TMEFF2: variants seen among roughly 807,000 people sequenced by gnomAD.
TMEFF2 encodes the protein tomoregulin-2.
In TMEFF2, 28 loss-of-function variants were observed where a neutral mutation model predicts 53.8. That is an observed-to-expected ratio of 0.52 (90% CI 0.39 to 0.71). The LOEUF (loss-of-function observed/expected upper bound fraction) is 0.71. Among genes scored for constraint, TMEFF2 ranks in the 30% least tolerant of loss-of-function variants. TMEFF2 has a pLI of 0.00. For missense variants in TMEFF2, 353 were observed against 455.2 expected (o/e 0.78, Z 2.04); for synonymous variants, 162 against 166.3 (o/e 0.97, Z 0.20).
intron 5 of TMEFF2, among the ~76,000 whole-genome samples, chr2:192,055,740 A>T (rs1229404913): frequency 1.5e-5 from 2 of 132,654 alleles, no homozygotes; most frequent in Middle Eastern, 5.1e-3. Context: ...GTGCCACTGC[A>T]CTCTAGCCTG....
At chr2:192,183,760 A>C (rs1691244833) in intron 3 of TMEFF2, among the ~76,000 whole-genome samples, 1 of 152,102 alleles carries the variant, frequency 6.6e-6, no homozygotes, top group Non-Finnish European at 1.5e-5. Flanking sequence ...TACTTCCTTT[A>C]TAGCATTGTT....
intron 7 of TMEFF2, among the ~76,000 whole-genome samples, chr2:191,994,358 A>G (rs567852593): frequency 6.6e-6 from 1 of 152,032 alleles, no homozygotes; most frequent in South Asian, 2.1e-4. Context: ...ATTAAAACCA[A>G]TATCATCTGA....
chr2:192,141,818 C>T (rs558603039), intron 4 of TMEFF2, among the ~76,000 whole-genome samples: 2 of 152,170 alleles, frequency 1.3e-5, no homozygotes, highest in South Asian at 2.1e-4. Flanking sequence ...TGACCAAAAT[C>T]GAAACAACTA....
intron 7 of TMEFF2, among the ~76,000 whole-genome samples, chr2:191,961,135 T>A (rs1369132312): frequency 6.6e-6 from 1 of 152,202 alleles, no homozygotes; most frequent in Non-Finnish European, 1.5e-5. Flanking sequence ...CATGCTACCT[T>A]TTGAAAGGGT....
intron 4 of TMEFF2, among the ~76,000 whole-genome samples, chr2:192,124,759 A>G (rs1021845697): frequency 6.6e-6 from 1 of 152,186 alleles, no homozygotes; most frequent in African/African-American, 2.4e-5. Flanking sequence ...AGGACAGAGG[A>G]GTAATTCATA....
chr2:192,069,025 CA>C, intron 4 of TMEFF2, among the ~76,000 whole-genome samples: 1 of 150,792 alleles, frequency 6.6e-6, no homozygotes, highest in South Asian at 2.1e-4. Context: ...GAAAGAATGG[CA>C]AAAACGGAAT....
At chr2:192,002,294 A>G (rs1374887340) in intron 5 of TMEFF2, among the ~76,000 whole-genome samples, 1 of 152,172 alleles carries the variant, frequency 6.6e-6, no homozygotes, top group Non-Finnish European at 1.5e-5. Flanking sequence ...TCCCTGGGAT[A>G]TAAGCTTCAG....
intron 4 of TMEFF2, among the ~76,000 whole-genome samples, chr2:192,106,281 A>G (rs1689142544): frequency 6.6e-6 from 1 of 151,810 alleles, no homozygotes; most frequent in Non-Finnish European, 1.5e-5. Flanking sequence ...AATGCATAAA[A>G]TATATGTACA....
At chr2:192,113,804 C>G (rs1689338147) in intron 4 of TMEFF2, among the ~76,000 whole-genome samples, 1 of 151,892 alleles carries the variant, frequency 6.6e-6, no homozygotes, top group Non-Finnish European at 1.5e-5. Flanking sequence ...TAGTATTCAC[C>G]AAGCACTTTA....
intron 4 of TMEFF2, among the ~76,000 whole-genome samples, chr2:192,121,986 T>C (rs532799473): frequency 1.1e-4 from 17 of 152,308 alleles, no homozygotes; most frequent in Middle Eastern, 3.4e-3. Flanking sequence ...TATAGCATAA[T>C]AGAGTGACTT....
chr2:192,087,092 A>G (rs1474721046), intron 4 of TMEFF2, among the ~76,000 whole-genome samples: 4 of 151,230 alleles, frequency 2.6e-5, no homozygotes, highest in African/African-American at 4.8e-5. Context: ...TTATAAACAA[A>G]TATACTTATT....
intron 9 of TMEFF2, 58 bp downstream of exon 9, chr2:191,953,621 A>G: frequency 6.3e-7 from 1 of 1,577,796 alleles, no homozygotes; most frequent in Non-Finnish European, 8.6e-7. Context: ...GATCTGATTA[A>G]ATAAAAGAGT....
chr2:192,097,180 C>T (rs1688932919), intron 4 of TMEFF2, among the ~76,000 whole-genome samples: 1 of 152,204 alleles, frequency 6.6e-6, no homozygotes, highest in Non-Finnish European at 1.5e-5. Context: ...GCGTGCACTT[C>T]TACACGTGAA....
chr2:192,193,757 TAGATAGAGAGAGAGAGAGAGAGAG>T (rs1191814368), intron 1 of TMEFF2, among the ~76,000 whole-genome samples: 6 of 26,630 alleles, frequency 2.3e-4, no homozygotes, highest in Non-Finnish European at 4.2e-4. Flanking sequence ...GAGAGATAGA[TAGATAGAGAGAGAGAGAGAGAGAG>T]AGAGAGAGAG....
intron 4 of TMEFF2, among the ~76,000 whole-genome samples, chr2:192,155,334 G>A (rs949301591): frequency 3.9e-5 from 6 of 151,956 alleles, no homozygotes; most frequent in Non-Finnish European, 5.9e-5. Context: ...CAGGAACTAT[G>A]TCTATCTGGG....
At chr2:192,190,032 AT>A (rs1234552983) in intron 2 of TMEFF2, among the ~76,000 whole-genome samples, 1 of 152,180 alleles carries the variant, frequency 6.6e-6, no homozygotes, top group Non-Finnish European at 1.5e-5. Context: ...CCACTTAACG[AT>A]TATTTAAATT....
intron 4 of TMEFF2, among the ~76,000 whole-genome samples, chr2:192,109,182 G>T (rs1191143399): frequency 6.6e-6 from 1 of 151,922 alleles, no homozygotes; most frequent in Non-Finnish European, 1.5e-5. Flanking sequence ...TATGTCATAC[G>T]CATTTGTCCC....
At chr2:191,952,188 T>A (rs1691906395) in intron 9 of TMEFF2, among the ~76,000 whole-genome samples, 1 of 152,228 alleles carries the variant, frequency 6.6e-6, no homozygotes, top group East Asian at 1.9e-4. Context: ...TATATGTGTA[T>A]ACACATATAC....
chr2:192,031,207 C>T (rs1687127414), intron 5 of TMEFF2: 1 of 152,184 alleles, frequency 6.6e-6, no homozygotes, highest in Non-Finnish European at 1.5e-5. Flanking sequence ...GTCACTTCTA[C>T]ACTATTTTTT....
Sources: gnomAD v4.1 joint callset for allele counts (sites outside exome capture counted in the v4.1 genomes callset) on GRCh38, gnomAD v4.1.1 for gene constraint, MANE v1.5 for transcripts, NCBI Gene and HGNC (gene_info 2026-07-23, HGNC 2026-07-21) for gene names.